The following STXBP4 variants were observed in gnomAD, a reference collection of about 807,000 sequenced individuals.
The protein encoded by STXBP4 is syntaxin binding protein 4, also known as syntaxin-binding protein 4.
STXBP4 carries 55 observed loss-of-function variants against 76.1 expected under a neutral mutation model. The observed-to-expected ratio is 0.72, with a 90% CI of 0.58 to 0.91. The LOEUF is 0.91. Ranked by LOEUF, STXBP4 falls within the 40% of genes least tolerant of loss-of-function variation. STXBP4 has a pLI of 0.00. For synonymous variants in STXBP4, 201 were observed against 220.2 expected (o/e 0.91, Z 0.77); for missense variants, 618 against 636.9 (o/e 0.97, Z 0.32).
intron 4 of STXBP4, among the ~76,000 whole-genome samples, chr17:54,997,761 T>C (rs2077836817): frequency 6.7e-6 from 1 of 148,220 alleles, no homozygotes; most frequent in East Asian, 2.0e-4. Flanking sequence ...ATTTTTTTTT[T>C]TTTTTTTTGA....
the STXBP4 span, among the ~76,000 whole-genome samples, chr17:55,211,059 C>T: frequency 6.6e-6 from 1 of 151,980 alleles, no homozygotes; most frequent in South Asian, 2.1e-4. Context: ...AAGAGGTGCT[C>T]ATTTTAAAAC....
chr17:55,087,769 C>T (rs531689175), intron 16 of STXBP4, among the ~76,000 whole-genome samples: 3 of 151,996 alleles, frequency 2.0e-5, no homozygotes, highest in Admixed American at 6.6e-5. Flanking sequence ...TTTCTGTTTC[C>T]GTGAAGAATG....
chr17:55,048,978 G>A (rs1430000996), intron 12 of STXBP4, among the ~76,000 whole-genome samples: 4 of 151,890 alleles, frequency 2.6e-5, no homozygotes, highest in African/African-American at 9.7e-5. Context: ...TTAGACTTTA[G>A]AGGAAAATAA....
chr17:55,190,587 T>A, the STXBP4 span, among the ~76,000 whole-genome samples: 1 of 152,204 alleles, frequency 6.6e-6, no homozygotes. Context: ...ACAAAAGTAA[T>A]TGCATAGATG....
chr17:55,196,304 C>G, the STXBP4 span, among the ~76,000 whole-genome samples: 2 of 152,150 alleles, frequency 1.3e-5, no homozygotes, highest in Admixed American at 1.3e-4. Context: ...TCCGTGATCA[C>G]TATCTGCCTA....
chr17:54,996,936 T>A (rs12940518), intron 4 of STXBP4, among the ~76,000 whole-genome samples: 4,530 of 152,316 alleles, frequency 0.03, 118 homozygotes, highest in Non-Finnish European at 0.045. Flanking sequence ...GTCAGGAATA[T>A]ATTATTATTT....
At chr17:55,083,571 C>T (rs78694613) in intron 16 of STXBP4, among the ~76,000 whole-genome samples, 6 of 152,208 alleles carry the variant, frequency 3.9e-5, no homozygotes, top group South Asian at 2.1e-4. Context: ...TGGTTAATTG[C>T]GCTCAGCTAG....
intron 10 of STXBP4, among the ~76,000 whole-genome samples, chr17:55,038,054 A>G (rs541046598): frequency 6.6e-6 from 1 of 152,266 alleles, no homozygotes; most frequent in East Asian, 1.9e-4. Flanking sequence ...TTACCCTGTC[A>G]ACCGTCTCAG....
At chr17:55,176,206 G>T (rs2145222188), downstream of STXBP4, among the ~76,000 whole-genome samples, 1 of 152,322 alleles carries the variant, frequency 6.6e-6, no homozygotes, top group Middle Eastern at 3.4e-3. Context: ...AGAGAAGAAG[G>T]CAAACTCAGC....
At chr17:55,053,509 T>C (rs1250351195) in intron 12 of STXBP4, among the ~76,000 whole-genome samples, 1 of 152,160 alleles carries the variant, frequency 6.6e-6, no homozygotes, top group Admixed American at 6.6e-5. Flanking sequence ...TTCTCACTCA[T>C]GAACATGTTG....
chr17:55,091,941 T>A (rs2079420253), intron 16 of STXBP4, among the ~76,000 whole-genome samples: 1 of 152,222 alleles, frequency 6.6e-6, no homozygotes, highest in Non-Finnish European at 1.5e-5. Flanking sequence ...TCATTATGTA[T>A]ATGCAAGTAT....
chr17:55,192,758 C>T, the STXBP4 span, among the ~76,000 whole-genome samples: 1 of 152,198 alleles, frequency 6.6e-6, no homozygotes, highest in African/African-American at 2.4e-5. Context: ...TGAAAATTCT[C>T]AGGCTTAGAG....
At chr17:55,020,810 T>G (rs534503272) in intron 8 of STXBP4, among the ~76,000 whole-genome samples, 1 of 152,198 alleles carries the variant, frequency 6.6e-6, no homozygotes, top group South Asian at 2.1e-4. Context: ...AGAGTGAAAC[T>G]CCATCTCAGA....
chr17:54,987,447 G>A (rs1400842373), intron 3 of STXBP4, among the ~76,000 whole-genome samples: 1 of 152,014 alleles, frequency 6.6e-6, no homozygotes, highest in Non-Finnish European at 1.5e-5. Flanking sequence ...TTTGACCTTG[G>A]CTTTTTGTTT....
chr17:54,969,746 A>G (rs1227343921), intron 1 of STXBP4, among the ~76,000 whole-genome samples: 1 of 152,192 alleles, frequency 6.6e-6, no homozygotes, highest in Non-Finnish European at 1.5e-5. Flanking sequence ...GTCATTCGAC[A>G]TTTTATTTAT....
At chr17:55,043,525 A>G (rs2078738484) in intron 11 of STXBP4, 200 bp downstream of exon 11, 2 of 1,168,388 alleles carry the variant, frequency 1.7e-6, no homozygotes, top group Admixed American at 2.4e-5. Context: ...ATTTCACAAT[A>G]TCTGTGCAAC....
intron 8 of STXBP4, among the ~76,000 whole-genome samples, chr17:55,010,202 C>G (rs1567716632): frequency 6.6e-6 from 1 of 151,668 alleles, no homozygotes; most frequent in African/African-American, 2.4e-5. Flanking sequence ...TTAAGGAAAG[C>G]AGAGAGGTTA....
chr17:55,048,816 T>TGTTTTCTTC (rs2078823579), intron 12 of STXBP4, among the ~76,000 whole-genome samples: 1 of 151,738 alleles, frequency 6.6e-6, no homozygotes, highest in Non-Finnish European at 1.5e-5. Context: ...AAGAGTTTCT[T>TGTTTTCTTC]AAAGAAATCA....
chr17:55,200,908 G>C, the STXBP4 span, among the ~76,000 whole-genome samples: 2 of 152,096 alleles, frequency 1.3e-5, no homozygotes, highest in Admixed American at 6.5e-5. Flanking sequence ...AAGTAAACAG[G>C]CCTTTCTCTC....
Sources: allele counts gnomAD v4.1 joint callset (sites outside exome capture counted in the v4.1 genomes callset), GRCh38; gene constraint gnomAD v4.1.1; transcripts MANE v1.5; gene names NCBI Gene and HGNC (gene_info 2026-07-23, HGNC 2026-07-21).